The following RAVER2 variants were observed in gnomAD, a reference collection of about 807,000 sequenced individuals.
RAVER2 encodes ribonucleoprotein PTB-binding 2.
In RAVER2, 46 loss-of-function variants were observed where a neutral mutation model predicts 78.1. The ratio of observed to expected loss-of-function variants is 0.59; its 90% CI spans 0.46 to 0.75. The LOEUF (loss-of-function observed/expected upper bound fraction) is 0.75. RAVER2 is among the 30% of genes least tolerant of loss of function. RAVER2 has a pLI of 0.00. For missense variants in RAVER2, 793 were observed against 837.5 expected (o/e 0.95, Z 0.66); for synonymous variants, 311 against 313.3 (o/e 0.99, Z 0.08).
rs1460536796 is a variant in RAVER2 at position 64,745,739 on chromosome 1, G to A, written c.249+318G>A. Reference sequence around the variant, plus strand: ...GGCCGTAGAGGAGTAGGAGGTGAAGGAGAGTGGAGGTGAGTTGTGGAGCAC... The same window carrying A: ...GGCCGTAGAGGAGTAGGAGGTGAAGAAGAGTGGAGGTGAGTTGTGGAGCAC... On this transcript the variant is annotated intron_variant, in intron 1 of 11. Coordinates refer to ENST00000294428, the Ensembl canonical transcript of RAVER2. This position sits in a 1 kb window ranked among gnomAD's most constrained non-coding sequence, Gnocchi z 4.3. Among the ~76,000 whole-genome samples the A allele has an allele frequency of 6.6e-6, 1 of 152,010 alleles. No homozygotes were observed. The highest frequency in any genetic ancestry group is 2.4e-5 in the African/African-American group (1 of 41,396).
chr1:64,829,433 C>G lies in RAVER2; in HGVS notation c.1930-1406C>G, dbSNP rs1056961727. ...GTCTGATGGTGTTAGTGGCTGGGGT[C>G]CAACATTCAGAAAGATCACCTACCA... On this transcript the variant is annotated intron_variant, in intron 11 of 11. Transcript: ENST00000294428. 3.3e-5 allele frequency among the ~76,000 whole-genome samples: 5 copies of G among 152,104 alleles called. No individual in the cohort carries two copies. In the South Asian group the frequency reaches 1.0e-3, roughly 31 times the overall value.
intron 5 of RAVER2, among the ~76,000 whole-genome samples, chr1:64,795,100 C>G (rs72918089): frequency 0.022 from 3,330 of 151,932 alleles, 148 homozygotes; most frequent in African/African-American, 0.077. Context: ...TTGACATTTC[C>G]CAAAAATCAG....
chr1:64,772,738 A>T (rs1276668637), intron 2 of RAVER2, among the ~76,000 whole-genome samples: 1 of 152,170 alleles, frequency 6.6e-6, no homozygotes, highest in African/African-American at 2.4e-5. Flanking sequence ...TAATATATGG[A>T]TACCTGAAAT....
chr1:64,779,388 CA>C (rs1469257979), intron 3 of RAVER2, among the ~76,000 whole-genome samples: 1 of 137,494 alleles, frequency 7.3e-6, no homozygotes, highest in African/African-American at 2.9e-5. Context: ...ATATTTTTAA[CA>C]TTTTTTTTTT....
intron 1 of RAVER2, among the ~76,000 whole-genome samples, chr1:64,755,331 A>T (rs1203347985): frequency 6.6e-6 from 1 of 152,082 alleles, no homozygotes; most frequent in Non-Finnish European, 1.5e-5. Flanking sequence ...TTTATTTACT[A>T]CTGTTATCTT....
chr1:64,785,997 T>C (rs1020081611), intron 4 of RAVER2, among the ~76,000 whole-genome samples: 2 of 152,230 alleles, frequency 1.3e-5, no homozygotes, highest in African/African-American at 4.8e-5. Context: ...ACTTATATAG[T>C]TGAGAATATT....
rs1393496285 is a variant in RAVER2, at chr1:64,815,036, A to G, written c.1929+196A>G. ...TATTTAGTATCATTTTGCACTAGATATTTACCTCTCACTGTTTACCTAGTG... is the reference window on the plus strand; with the variant it reads ...TATTTAGTATCATTTTGCACTAGATGTTTACCTCTCACTGTTTACCTAGTG... On this transcript the variant is annotated intron_variant, in intron 11 of 11. Coordinates refer to ENST00000294428, the Ensembl canonical transcript of RAVER2. 1.0e-5 allele frequency: 4 copies of G among 384,688 alleles called. No homozygotes were observed. The East Asian group carries it at 1.9e-4, about 18-fold the overall frequency. 23.8% of individuals were successfully genotyped at this position (384,688 alleles called of 1,614,324 possible). A position where few individuals can be genotyped will look rare whatever the true frequency, so the allele number is the denominator to read the frequency against.
chr1:64,813,761 A>G (rs1387423705), intron 10 of RAVER2, among the ~76,000 whole-genome samples: 2 of 151,656 alleles, frequency 1.3e-5, no homozygotes, highest in Non-Finnish European at 2.9e-5. Context: ...CTAAAAATTG[A>G]TGGTGACAAT....
chr1:64,815,353 T>C (rs994649910), intron 11 of RAVER2: 2 of 152,220 alleles, frequency 1.3e-5, no homozygotes, highest in African/African-American at 4.8e-5. Context: ...TGGAGAAAGA[T>C]GATCATATTT....
rs372550607 is a variant in RAVER2 at position 64,817,314 on chromosome 1, A to T, written c.1929+2474A>T. On this transcript the variant is annotated intron_variant, in intron 11 of 11. Coordinates refer to ENST00000294428, the Ensembl canonical transcript of RAVER2. ...CTTTTACAGTGTTGGTGGGACTGTA[A>T]ACTAGTTCAACCGTTGTGAAGTTGG... is the stretch of plus-strand genomic sequence containing the variant. Among the ~76,000 whole-genome samples, 32 of 152,312 alleles carry T rather than the reference A, an allele frequency of 2.1e-4. 7 individuals carry two copies. Among genetic ancestry groups the T allele is most frequent in the Admixed American group, 3.9e-4 (6 of 15,296 alleles).
chr1:64,755,686 C>G (rs1270313729), intron 1 of RAVER2, among the ~76,000 whole-genome samples: 1 of 145,436 alleles, frequency 6.9e-6, no homozygotes, highest in Non-Finnish European at 1.5e-5. Flanking sequence ...GCTTTCGATT[C>G]CAAAGTAATC....
At chr1:64,795,760 C>T (rs1244266228) in intron 5 of RAVER2, among the ~76,000 whole-genome samples, 1 of 151,996 alleles carries the variant, frequency 6.6e-6, no homozygotes, top group Non-Finnish European at 1.5e-5. Flanking sequence ...CATAATTTTA[C>T]TTCTTCCTTT....
At chr1:64,830,954 A>G (rs1570590507) in exon 12 of RAVER2, 8 of 1,613,650 alleles carry the variant, frequency 5.0e-6, no homozygotes, top group Non-Finnish European at 6.8e-6. Context: ...TATTACATGG[A>G]AACTTACTTA....
chr1:64,797,228 G>A (rs901237900), intron 5 of RAVER2, among the ~76,000 whole-genome samples: 2 of 152,134 alleles, frequency 1.3e-5, no homozygotes, highest in African/African-American at 4.8e-5. Flanking sequence ...AGATCAACAT[G>A]GTTGATAGTG....
chr1:64,831,499 CTCAA>C (rs1390847333), exon 12 of RAVER2: 1 of 152,376 alleles, frequency 6.6e-6, no homozygotes, highest in Non-Finnish European at 1.5e-5. Flanking sequence ...TACATGCACA[CTCAA>C]TTACGCCCAC....
chr1:64,776,046 A>G (rs1023870587), intron 2 of RAVER2, among the ~76,000 whole-genome samples: 1 of 151,770 alleles, frequency 6.6e-6, no homozygotes, highest in Non-Finnish European at 1.5e-5. Flanking sequence ...AAGGAAAGAA[A>G]GTTAAGAAAG....
At chr1:64,794,397 C>CAAA (rs60233578) in intron 5 of RAVER2, among the ~76,000 whole-genome samples, 3 of 59,942 alleles carry the variant, frequency 5.0e-5, no homozygotes, top group Non-Finnish European at 6.7e-5. Flanking sequence ...GACTCCGTCT[C>CAAA]AAAAAAAAAA....
chr1:64,807,616 CAT>C (rs1653481353), intron 9 of RAVER2, 142 bp downstream of exon 9: 2 of 969,418 alleles, frequency 2.1e-6, no homozygotes, highest in African/African-American at 3.3e-5. Flanking sequence ...TTGAAGAAAA[CAT>C]TGCATTCTTT....
At chr1:64,826,389 G>C (rs1010685650) in intron 11 of RAVER2, among the ~76,000 whole-genome samples, 5 of 152,316 alleles carry the variant, frequency 3.3e-5, no homozygotes, top group African/African-American at 1.2e-4. Flanking sequence ...GCAAAGACCA[G>C]AACTTTAGGG....
Sources: allele counts gnomAD v4.1 joint callset (sites outside exome capture counted in the v4.1 genomes callset), GRCh38; gene constraint gnomAD v4.1.1; non-coding constraint Gnocchi (gnomAD v3.1); transcripts MANE v1.5; gene names NCBI Gene and HGNC (gene_info 2026-07-23, HGNC 2026-07-21).